The following LOC112694756 variants were observed in gnomAD, a reference collection of about 807,000 sequenced individuals.
At chr16:30,068,300 G>A in the LOC112694756 span, 35 of 358,144 alleles carry the variant, frequency 9.8e-5, no homozygotes, top group East Asian at 2.3e-3. Context: ...TCCTGATCTC[G>A]TGATCTGCCC....
chr16:30,060,151 G>A, the LOC112694756 span, among the ~76,000 whole-genome samples: 1 of 151,718 alleles, frequency 6.6e-6, no homozygotes, highest in African/African-American at 2.4e-5. Flanking sequence ...GCTAATTTTC[G>A]TATTTTTAAT....
At chr16:30,070,211 A>C in the LOC112694756 span, 1 of 1,613,994 alleles carries the variant, frequency 6.2e-7, no homozygotes, top group East Asian at 2.2e-5. Context: ...CACGCCTATT[A>C]AGCGGAGGTG....
the LOC112694756 span, chr16:30,067,534 C>A: frequency 6.2e-7 from 1 of 1,613,794 alleles, no homozygotes; most frequent in Non-Finnish European, 8.5e-7. Context: ...CTGCTGACAG[C>A]TGACGACCGC....
the LOC112694756 span, chr16:30,064,714 T>A: frequency 2.9e-6 from 1 of 344,972 alleles, no homozygotes; most frequent in Non-Finnish European, 5.2e-6. Flanking sequence ...AGCTGCCTTA[T>A]AACCAGCCCG....
At chr16:30,055,067 C>G in the LOC112694756 span, 4 of 398,776 alleles carry the variant, frequency 1.0e-5, no homozygotes, top group Admixed American at 4.4e-5. Context: ...ACCAGGGGGT[C>G]CCTCCTCTCC....
At chr16:30,061,759 CA>C in the LOC112694756 span, among the ~76,000 whole-genome samples, 1 of 151,318 alleles carries the variant, frequency 6.6e-6, no homozygotes, top group African/African-American at 2.4e-5. Context: ...GAGGTTTCGC[CA>C]TGTTGGCCCA....
At chr16:30,069,717 C>G in the LOC112694756 span, 1 of 1,612,028 alleles carries the variant, frequency 6.2e-7, no homozygotes, top group Non-Finnish European at 8.5e-7. Context: ...TAGATAAGCT[C>G]CACCCACAAC....
chr16:30,069,826 A>G, the LOC112694756 span: 3 of 1,613,766 alleles, frequency 1.9e-6, no homozygotes, highest in Non-Finnish European at 2.5e-6. Context: ...CCCCTGCTCT[A>G]CAGGGATCAC....
chr16:30,059,598 T>C, the LOC112694756 span, among the ~76,000 whole-genome samples: 20 of 151,350 alleles, frequency 1.3e-4, no homozygotes, highest in East Asian at 3.9e-3. Flanking sequence ...GTGCTCCCTC[T>C]GTTGCCCAGG....
At chr16:30,065,370 G>A in the LOC112694756 span, among the ~76,000 whole-genome samples, 6 of 152,242 alleles carry the variant, frequency 3.9e-5, no homozygotes, top group East Asian at 1.9e-4. Context: ...GCCCCGGGCC[G>A]CGCGCGCTGG....
At chr16:30,060,752 A>G in the LOC112694756 span, among the ~76,000 whole-genome samples, 67 of 152,228 alleles carry the variant, frequency 4.4e-4, no homozygotes, top group East Asian at 0.012. Flanking sequence ...GACTCCCTAG[A>G]GACACCCCAA....
the LOC112694756 span, chr16:30,069,011 T>C: frequency 6.2e-7 from 1 of 1,613,800 alleles, no homozygotes; most frequent in South Asian, 1.1e-5. Flanking sequence ...GGCAACCTCC[T>C]ACCTCATTTG....
the LOC112694756 span, among the ~76,000 whole-genome samples, chr16:30,059,883 C>T: frequency 1.3e-5 from 2 of 151,968 alleles, no homozygotes; most frequent in Non-Finnish European, 2.9e-5. Flanking sequence ...AGCTCTCTTT[C>T]GTCCAGCACT....
At chr16:30,064,287 A>C in the LOC112694756 span, 6 of 394,710 alleles carry the variant, frequency 1.5e-5, no homozygotes, top group Non-Finnish European at 2.7e-5. Flanking sequence ...TTCTTAAAAA[A>C]AACCAGGGCT....
the LOC112694756 span, chr16:30,067,407 G>A: frequency 6.2e-7 from 1 of 1,613,922 alleles, no homozygotes; most frequent in South Asian, 1.1e-5. Context: ...TGCAGGGTTG[G>A]GAGTGGCAGG....
At chr16:30,067,456 T>C in the LOC112694756 span, 4 of 1,613,178 alleles carry the variant, frequency 2.5e-6, no homozygotes, top group East Asian at 2.2e-5. Context: ...CCAGGGAGCA[T>C]TGCCAAGCGG....
At chr16:30,070,284 T>G in the LOC112694756 span, 139 of 1,465,846 alleles carry the variant, frequency 9.5e-5, no homozygotes, top group Middle Eastern at 5.1e-4. Flanking sequence ...GGAGGCCGCC[T>G]CCTCGGGGCT....
the LOC112694756 span, among the ~76,000 whole-genome samples, chr16:30,066,688 T>C: frequency 6.6e-6 from 1 of 152,178 alleles, no homozygotes; most frequent in Non-Finnish European, 1.5e-5. Context: ...CCCTGGGATC[T>C]TGAGGGGATT....
At chr16:30,066,590 C>T in the LOC112694756 span, among the ~76,000 whole-genome samples, 3 of 152,162 alleles carry the variant, frequency 2.0e-5, no homozygotes, top group Non-Finnish European at 2.9e-5. Context: ...TATATTTTTC[C>T]TAATGCCCCT....
Sources: gnomAD v4.1 joint callset for allele counts (sites outside exome capture counted in the v4.1 genomes callset) on GRCh38, gnomAD v4.1.1 for gene constraint, MANE v1.5 for transcripts.